The following CSMD1 variants were observed in gnomAD, a reference collection of about 807,000 sequenced individuals.
CSMD1 encodes the protein CUB and Sushi multiple domains 1.
In CSMD1, 213 loss-of-function variants were observed where a neutral mutation model predicts 417.5. That is an observed-to-expected ratio of 0.51 (90% CI 0.46 to 0.57). CSMD1 has a LOEUF of 0.57. Ranked by LOEUF, CSMD1 falls within the 20% of genes least tolerant of loss-of-function variation. CSMD1 has a pLI of 0.00. For missense variants in CSMD1, 6,923 were observed against 4,529.7 expected (o/e 1.53, Z -15.17); for synonymous variants, 2,862 against 1,736.8 (o/e 1.65, Z -16.11).
intron 1 of CSMD1, among the ~76,000 whole-genome samples, chr8:4,911,911 A>G (rs1805701308): frequency 6.6e-6 from 1 of 152,102 alleles, no homozygotes; most frequent in African/African-American, 2.4e-5. Flanking sequence ...CTAGACAGGT[A>G]TTTTGTGGCA....
At chr8:3,414,991 G>A (rs1046825964) in intron 12 of CSMD1, among the ~76,000 whole-genome samples, 11 of 152,108 alleles carry the variant, frequency 7.2e-5, no homozygotes, top group Admixed American at 6.6e-4. Flanking sequence ...CCCTGGCAGG[G>A]TCTATCTTGG....
intron 15 of CSMD1, among the ~76,000 whole-genome samples, chr8:3,404,139 G>C (rs1400585419): frequency 6.6e-6 from 1 of 152,044 alleles, no homozygotes; most frequent in African/African-American, 2.4e-5. Flanking sequence ...TTTGAGACCA[G>C]CCTGGCCAAC....
At chr8:3,751,324 GTGTATATA>G (rs1446205946) in intron 6 of CSMD1, among the ~76,000 whole-genome samples, 2 of 145,288 alleles carry the variant, frequency 1.4e-5, no homozygotes, top group South Asian at 2.2e-4. Context: ...GTGTGTGTGT[GTGTATATA>G]TATATATATA....
At chr8:4,234,651 G>T (rs1044171596) in intron 3 of CSMD1, among the ~76,000 whole-genome samples, 1 of 152,226 alleles carries the variant, frequency 6.6e-6, no homozygotes, top group East Asian at 1.9e-4. Flanking sequence ...TGCACCTGAC[G>T]AATAGATGGC....
intron 3 of CSMD1, among the ~76,000 whole-genome samples, chr8:4,286,288 T>C (rs1797051255): frequency 6.6e-6 from 1 of 152,178 alleles, no homozygotes; most frequent in Non-Finnish European, 1.5e-5. Flanking sequence ...CTTAGTGCTA[T>C]CTGTCCTCAG....
At chr8:4,332,777 A>C (rs1027879102) in intron 3 of CSMD1, among the ~76,000 whole-genome samples, 12 of 152,082 alleles carry the variant, frequency 7.9e-5, no homozygotes, top group African/African-American at 2.9e-4. Context: ...ATGAATGTTC[A>C]AATTCAAAAT....
At chr8:3,235,036 C>G (rs546235515) in intron 26 of CSMD1, among the ~76,000 whole-genome samples, 1 of 152,230 alleles carries the variant, frequency 6.6e-6, no homozygotes, top group East Asian at 1.9e-4. Flanking sequence ...CAAGTGGTGA[C>G]ATGTATAATT....
Position 2,966,521 on chromosome 8 carries a change from G to A in CSMD1, c.9100+49C>T, listed in dbSNP as rs142290148. Reference sequence around the variant, plus strand: ...TAAAGTCATTTTTTTTCCCAATGGAGTGAATTTCATAGTAACGTCTGAGTC... The same window carrying A: ...TAAAGTCATTTTTTTTCCCAATGGAATGAATTTCATAGTAACGTCTGAGTC... On this transcript the variant is annotated intron_variant, in intron 58 of 69. Coordinates refer to ENST00000635120, the MANE Select transcript of CSMD1 (RefSeq NM_033225.6). 4.1e-4 allele frequency: 635 copies of A among 1,538,280 alleles called. 3 individuals carry two copies. In the African/African-American group the frequency reaches 5.6e-3, roughly 14 times the overall value.
intron 3 of CSMD1, among the ~76,000 whole-genome samples, chr8:4,357,168 C>G (rs928129899): frequency 6.6e-6 from 1 of 152,086 alleles, no homozygotes; most frequent in African/African-American, 2.4e-5. Flanking sequence ...AAATATGGTA[C>G]GCAAATGCTC....
In CSMD1 at chr8:4,164,278, T is replaced by G. The variant is rs371867583; in HGVS notation, c.416-132179A>C. Among the ~76,000 whole-genome samples, 86 of 152,320 alleles carry G rather than the reference T, an allele frequency of 5.6e-4. 1 individual carries two copies. Among genetic ancestry groups the G allele is most frequent in the African/African-American group, 1.9e-3 (80 of 41,578 alleles). On this transcript the variant is annotated intron_variant, in intron 3 of 69. Coordinates refer to ENST00000635120, the MANE Select transcript of CSMD1 (RefSeq NM_033225.6). Reference sequence around the variant, plus strand: ...ATGATGTTAAAAAAGATTAATTTTCTTTAATGGATACAAATGATAAATATA... The same window carrying G: ...ATGATGTTAAAAAAGATTAATTTTCGTTAATGGATACAAATGATAAATATA...
chr8:3,891,627 G>A (rs1806980088), intron 5 of CSMD1, among the ~76,000 whole-genome samples: 1 of 151,856 alleles, frequency 6.6e-6, no homozygotes. Flanking sequence ...AGGCTTCAGT[G>A]AGCTGTGATC....
At chr8:4,405,744 C>G (rs1053543899) in intron 3 of CSMD1, among the ~76,000 whole-genome samples, 1 of 152,172 alleles carries the variant, frequency 6.6e-6, no homozygotes, top group Non-Finnish European at 1.5e-5. Context: ...TAGTGCACCA[C>G]CAGACACCCC....
At chr8:4,258,535 GAA>G (rs1803644009) in intron 3 of CSMD1, among the ~76,000 whole-genome samples, 5 of 143,376 alleles carry the variant, frequency 3.5e-5, no homozygotes, top group African/African-American at 5.1e-5. Context: ...GGGAGGGAGG[GAA>G]GAGTGGAACA....
chr8:4,160,399 A>T (rs1797082677), intron 3 of CSMD1, among the ~76,000 whole-genome samples: 1 of 152,224 alleles, frequency 6.6e-6, no homozygotes, highest in Non-Finnish European at 1.5e-5. Flanking sequence ...TGACATATAT[A>T]TACGCAACTT....
At chr8:4,833,139 G>A (rs570077896) in intron 1 of CSMD1, among the ~76,000 whole-genome samples, 2 of 152,262 alleles carry the variant, frequency 1.3e-5, no homozygotes, top group East Asian at 3.9e-4. Flanking sequence ...GAGTAAAATT[G>A]ATATCCACTG....
At chr8:3,535,146 G>T (rs1342793795) in intron 10 of CSMD1, among the ~76,000 whole-genome samples, 1 of 151,912 alleles carries the variant, frequency 6.6e-6, no homozygotes, top group African/African-American at 2.4e-5. Flanking sequence ...TAGAGACAGG[G>T]TCTCACCATG....
intron 3 of CSMD1, among the ~76,000 whole-genome samples, chr8:4,082,619 T>C (rs1585275244): frequency 6.9e-6 from 1 of 145,092 alleles, no homozygotes; most frequent in South Asian, 2.4e-4. Flanking sequence ...TTATTTTATT[T>C]TATTATTATT....
chr8:4,504,658 G>T lies in CSMD1; in HGVS notation c.303-84593C>A, dbSNP rs552040872. Among the ~76,000 whole-genome samples, 5 of 152,136 alleles carry T rather than the reference G, an allele frequency of 3.3e-5. No individual in the cohort carries two copies. In the East Asian group the frequency reaches 7.8e-4, roughly 24 times the overall value. On this transcript the variant is annotated intron_variant, in intron 2 of 69. Transcript: ENST00000635120. ...GGCCCCCACCTCCCGACAAACCCCA[G>T]TGTGTGATGTTCCCCTCCCTGTATC...
At chr8:2,960,041 G>C (rs138493357) in intron 62 of CSMD1, among the ~76,000 whole-genome samples, 23 of 152,284 alleles carry the variant, frequency 1.5e-4, no homozygotes, top group African/African-American at 4.8e-4. Flanking sequence ...AGTCATCATT[G>C]ACTTTTAATT....
Sources: gnomAD v4.1 joint callset for allele counts (sites outside exome capture counted in the v4.1 genomes callset) on GRCh38, gnomAD v4.1.1 for gene constraint, MANE v1.5 for transcripts, NCBI Gene and HGNC (gene_info 2026-07-23, HGNC 2026-07-21) for gene names.